Variants in LRCH1 observed in about 807,000 individuals in gnomAD.
LRCH1 encodes the protein leucine rich repeats and calponin homology domain containing 1, also known as leucine-rich repeat and calponin homology domain-containing protein 1.
In LRCH1, 23 loss-of-function variants were observed where a neutral mutation model predicts 94.9. The observed-to-expected ratio is 0.24, with a 90% confidence interval of 0.17 to 0.34. The LOEUF (loss-of-function observed/expected upper bound fraction) is 0.34. Ranked by LOEUF, LRCH1 falls within the 10% of genes least tolerant of loss-of-function variation. The probability of loss-of-function intolerance (pLI) is 1.00; values close to 1 mark genes in which losing one functional copy is unlikely to be tolerated. For missense variants in LRCH1, 790 were observed against 945.9 expected, an observed-to-expected ratio of 0.84 and a Z score of 2.16; for synonymous variants, 364 against 354.9, an observed-to-expected ratio of 1.03 and a Z score of -0.29.
chr13:46,675,349 A>T (rs992875962), intron 3 of LRCH1, among the ~76,000 whole-genome samples: 7 of 150,804 alleles, frequency 4.6e-5, no homozygotes, highest in African/African-American at 1.7e-4. Flanking sequence ...TGGTCCAGAG[A>T]TGTTTTTTTT....
At chr13:46,630,155 A>G (rs757105838) in intron 1 of LRCH1, among the ~76,000 whole-genome samples, 1 of 152,170 alleles carries the variant, frequency 6.6e-6, no homozygotes. Flanking sequence ...CACTCACTCA[A>G]TGACTGCTCA....
downstream of LRCH1, among the ~76,000 whole-genome samples, chr13:46,746,981 C>A (rs1873936003): frequency 2.6e-5 from 4 of 152,142 alleles, no homozygotes; most frequent in South Asian, 8.3e-4. Flanking sequence ...ATAGAATAAC[C>A]AGAATGGCCA....
rs377506550 is a variant in LRCH1 at position 46,720,912 on chromosome 13, T to C, written c.1760-2309T>C. 2.3e-4 allele frequency among the ~76,000 whole-genome samples: 35 copies of C among 152,324 alleles called. No individual in the cohort carries two copies. In the East Asian group the frequency reaches 3.9e-3, roughly 17 times the overall value. ...TACATTCAGAAAACTAATAGTGATA[T>C]AGTCATTATTTCTGATCATTTTATG... On this transcript the variant is annotated intron_variant, in intron 16 of 19. Transcript: ENST00000389797.
At chr13:46,589,894 C>T (rs1423436273) in intron 1 of LRCH1, among the ~76,000 whole-genome samples, 3 of 150,482 alleles carry the variant, frequency 2.0e-5, no homozygotes, top group South Asian at 2.1e-4. Flanking sequence ...AGCCACTGTG[C>T]CTGGGATTTT....
At chr13:46,604,232 A>T (rs1360182260) in intron 1 of LRCH1, among the ~76,000 whole-genome samples, 1 of 152,232 alleles carries the variant, frequency 6.6e-6, no homozygotes, top group Non-Finnish European at 1.5e-5. Context: ...ATTCAGATCT[A>T]ACTGGGCATC....
At chr13:46,641,403 A>C (rs2051156432) in intron 1 of LRCH1, among the ~76,000 whole-genome samples, 1 of 152,182 alleles carries the variant, frequency 6.6e-6, no homozygotes, top group Non-Finnish European at 1.5e-5. Context: ...CTGGGAAAAC[A>C]GCAGGTTCCA....
At chr13:46,745,084 A>G (rs189188028), downstream of LRCH1, among the ~76,000 whole-genome samples, 4 of 152,318 alleles carry the variant, frequency 2.6e-5, no homozygotes, top group East Asian at 7.7e-4. Context: ...CTTACAGTCT[A>G]TAGCAGGAGT....
chr13:46,689,816 T>C (rs1870807257), intron 7 of LRCH1, among the ~76,000 whole-genome samples: 1 of 152,156 alleles, frequency 6.6e-6, no homozygotes, highest in Non-Finnish European at 1.5e-5. Context: ...AAATCATGCT[T>C]TGATAACTGA....
At chr13:46,649,564 A>G (rs1193614685) in intron 1 of LRCH1, among the ~76,000 whole-genome samples, 1 of 152,196 alleles carries the variant, frequency 6.6e-6, no homozygotes, top group African/African-American at 2.4e-5. Context: ...AACAGATACA[A>G]TTTATCTCAG....
At chr13:46,692,722 G>A (rs930848864) in intron 8 of LRCH1, 81 bp downstream of exon 8, 1 of 1,016,804 alleles carries the variant, frequency 9.8e-7, no homozygotes, top group Admixed American at 1.9e-5. Context: ...CACAGATAGG[G>A]CAGTGATAAT....
chr13:46,584,588 A>G (rs1164788616), intron 1 of LRCH1, among the ~76,000 whole-genome samples: 1 of 152,176 alleles, frequency 6.6e-6, no homozygotes, highest in Non-Finnish European at 1.5e-5. Flanking sequence ...TCCCATGATG[A>G]TGCAGAGCCC....
downstream of LRCH1, among the ~76,000 whole-genome samples, chr13:46,747,633 C>T (rs987821393): frequency 1.2e-4 from 18 of 152,218 alleles, no homozygotes; most frequent in African/African-American, 4.3e-4. Flanking sequence ...TTAGGCAAAT[C>T]CCTCATTCAA....
chr13:46,611,697 A>G (rs796324081), intron 1 of LRCH1, among the ~76,000 whole-genome samples: 3 of 152,352 alleles, frequency 2.0e-5, no homozygotes, highest in East Asian at 3.9e-4. Context: ...GTATTTAAAA[A>G]GAATAATATA....
chr13:46,721,893 T>A (rs1400939404), intron 16 of LRCH1, among the ~76,000 whole-genome samples: 1 of 152,228 alleles, frequency 6.6e-6, no homozygotes, highest in African/African-American at 2.4e-5. Context: ...ATCTTAGAAC[T>A]AATTTAGAAA....
intron 1 of LRCH1, among the ~76,000 whole-genome samples, chr13:46,575,510 ATGTGTGTGTGTGTG>A (rs59582784): frequency 0.031 from 4,467 of 143,364 alleles, 88 homozygotes; most frequent in Non-Finnish European, 0.051. Flanking sequence ...CTGTGCATGA[ATGTGTGTGTGTGTG>A]TGTGTGTGTG....
At chr13:46,708,523 C>T (rs541899073) in intron 13 of LRCH1, among the ~76,000 whole-genome samples, 1 of 152,270 alleles carries the variant, frequency 6.6e-6, no homozygotes, top group South Asian at 2.1e-4. Context: ...CTGCTCACCT[C>T]AGCCTCCCAA....
intron 10 of LRCH1, among the ~76,000 whole-genome samples, chr13:46,699,857 C>CT (rs1385771985): frequency 6.6e-6 from 1 of 152,178 alleles, no homozygotes; most frequent in Admixed American, 6.5e-5. Flanking sequence ...CATCATGTGC[C>CT]AGGCATTGTC....
In LRCH1 at chr13:46,743,241, A is replaced by C. The variant is rs933481387; in HGVS notation, c.*1393A>C. ...AAATCTTATTTTTCTGAACATTTTC[A>C]TGAATCCAGGGGACTTGAAAATATG... On this transcript the variant is annotated 3_prime_UTR_variant, in exon 20 of 20. Coordinates refer to ENST00000389797, the MANE Select transcript of LRCH1 (RefSeq NM_001164211.2). The C allele has an allele frequency of 2.0e-6, 2 of 985,670 alleles. No individual in the cohort carries two copies. The highest frequency in any genetic ancestry group is 1.2e-4 in the Admixed American group (2 of 16,262). The allele number at this position is 985,670 out of a possible 1,614,324, so 61.1% of individuals were successfully genotyped here. A position where few individuals can be genotyped will look rare whatever the true frequency, so the allele number is the denominator to read the frequency against.
intron 15 of LRCH1, among the ~76,000 whole-genome samples, chr13:46,713,274 GTCTT>G (rs1260943428): frequency 6.6e-6 from 1 of 151,958 alleles, no homozygotes; most frequent in East Asian, 1.9e-4. Flanking sequence ...CTTCTTTTAG[GTCTT>G]TCTTTGTTTT....
Sources: gnomAD v4.1 joint callset for allele counts (sites outside exome capture counted in the v4.1 genomes callset) on GRCh38, gnomAD v4.1.1 for gene constraint, MANE v1.5 for transcripts, NCBI Gene and HGNC (gene_info 2026-07-23, HGNC 2026-07-21) for gene names.